Variants in KHDRBS2 observed in about 807,000 individuals in gnomAD.
KHDRBS2 encodes KH domain-containing, RNA-binding, signal transduction-associated protein 2.
In KHDRBS2, 26 loss-of-function variants were observed where a neutral mutation model predicts 44.3. The ratio of observed to expected loss-of-function variants is 0.59; its 90% CI spans 0.43 to 0.81. KHDRBS2 has a LOEUF of 0.81. Ranked by LOEUF, KHDRBS2 falls within the 40% of genes least tolerant of loss-of-function variation. The probability of loss-of-function intolerance (pLI) is 0.00; values close to 1 mark genes in which losing one functional copy is unlikely to be tolerated. For missense variants in KHDRBS2, 476 were observed against 433.1 expected, an observed-to-expected ratio of 1.10 and a Z score of -0.88; for synonymous variants, 194 against 151.1, an observed-to-expected ratio of 1.28 and a Z score of -2.08.
chr6:61,710,469 C>T (rs1165735058), intron 7 of KHDRBS2, among the ~76,000 whole-genome samples: 1 of 151,570 alleles, frequency 6.6e-6, no homozygotes, highest in African/African-American at 2.4e-5. Flanking sequence ...AGCACAAGTC[C>T]ATTTTCTATG....
chr6:61,662,491 T>A, the KHDRBS2 span, among the ~76,000 whole-genome samples: 1 of 151,954 alleles, frequency 6.6e-6, no homozygotes, highest in African/African-American at 2.4e-5. Flanking sequence ...ATTTTTGCAA[T>A]GTACTCATCT....
the KHDRBS2 span, among the ~76,000 whole-genome samples, chr6:61,671,347 A>C: frequency 6.6e-6 from 1 of 151,572 alleles, no homozygotes; most frequent in Non-Finnish European, 1.5e-5. Flanking sequence ...GCCAATTTTT[A>C]AGTTGGTTCA....
chr6:62,281,107 T>A lies in KHDRBS2; in HGVS notation c.91+4751A>T, dbSNP rs114430384. Among the ~76,000 whole-genome samples the A allele has an allele frequency of 2.9e-3, 437 of 152,270 alleles. 2 individuals are homozygous for A. The highest frequency in any genetic ancestry group is 0.01 in the African/African-American group (420 of 41,568). On this transcript the variant is annotated intron_variant, in intron 1 of 8. Transcript: ENST00000281156. ...GGACCAGGGCTAATCAAGCCCATGG[T>A]TAAAGACTGACAAGTGATCATTTAC...
chr6:61,785,967 A>G (rs1372669237), intron 6 of KHDRBS2, among the ~76,000 whole-genome samples: 1 of 151,984 alleles, frequency 6.6e-6, no homozygotes. Flanking sequence ...TCTGCTGACT[A>G]TATCCTTGGC....
intron 4 of KHDRBS2, among the ~76,000 whole-genome samples, chr6:61,954,398 T>C (rs541012358): frequency 1.0e-3 from 95 of 91,120 alleles, no homozygotes; most frequent in African/African-American, 2.9e-3. Context: ...CATATATACG[T>C]ATGTATGCAT....
chr6:62,134,610 T>C (rs565676892), intron 2 of KHDRBS2, among the ~76,000 whole-genome samples: 2 of 152,152 alleles, frequency 1.3e-5, no homozygotes, highest in Admixed American at 1.3e-4. Flanking sequence ...ACTGTGTACC[T>C]GGAAAAGCCA....
At chr6:62,118,310 T>C (rs892016930) in intron 2 of KHDRBS2, among the ~76,000 whole-genome samples, 3 of 152,214 alleles carry the variant, frequency 2.0e-5, no homozygotes, top group South Asian at 2.1e-4. Flanking sequence ...TTGCAGTATA[T>C]TTTGAAGCCA....
At chr6:61,634,219 A>T in the KHDRBS2 span, among the ~76,000 whole-genome samples, 2 of 151,782 alleles carry the variant, frequency 1.3e-5, no homozygotes, top group Admixed American at 1.3e-4. Flanking sequence ...GGTCAGACAG[A>T]TCAGATGTGG....
chr6:61,900,170 T>C lies in KHDRBS2; in HGVS notation c.611+1074A>G, dbSNP rs150695634. Among the ~76,000 whole-genome samples the C allele has an allele frequency of 9.1e-3, 1,382 of 152,190 alleles. 9 individuals are homozygous for C. The highest frequency in any genetic ancestry group is 0.017 in the Middle Eastern group (5 of 294). ...TTTACCTCTAGTAAATAATATTCCT[T>C]GATATTTTATTTGAGAATTTATCTT... On this transcript the variant is annotated intron_variant, in intron 5 of 8. Transcript: ENST00000281156.
chr6:61,981,607 T>C (rs2127405258), intron 3 of KHDRBS2, among the ~76,000 whole-genome samples: 1 of 152,342 alleles, frequency 6.6e-6, no homozygotes, highest in East Asian at 1.9e-4. Context: ...CCTGTGATCC[T>C]ATTTAATGCA....
the KHDRBS2 span, among the ~76,000 whole-genome samples, chr6:61,577,391 T>G: frequency 4.6e-5 from 7 of 152,252 alleles, no homozygotes; most frequent in Non-Finnish European, 1.0e-4. Context: ...TAGCAGCAAT[T>G]TTGTGAACAT....
At chr6:61,960,442 G>T (rs1768405010) in intron 4 of KHDRBS2, among the ~76,000 whole-genome samples, 1 of 151,986 alleles carries the variant, frequency 6.6e-6, no homozygotes, top group South Asian at 2.1e-4. Context: ...GGTGCAGGGG[G>T]AATTTTACAC....
chr6:61,924,283 C>A (rs1230529658), intron 4 of KHDRBS2, among the ~76,000 whole-genome samples: 1 of 151,898 alleles, frequency 6.6e-6, no homozygotes, highest in African/African-American at 2.4e-5. Context: ...GGCCTTCCTG[C>A]AACAGTAAGT....
intron 7 of KHDRBS2, among the ~76,000 whole-genome samples, chr6:61,731,417 C>A (rs765110648): frequency 1.3e-5 from 2 of 152,026 alleles, no homozygotes; most frequent in South Asian, 2.1e-4. Flanking sequence ...TAACTTAAAT[C>A]ATACTTAGTT....
chr6:62,133,922 G>A (rs1810923055), intron 2 of KHDRBS2, among the ~76,000 whole-genome samples: 1 of 152,158 alleles, frequency 6.6e-6, no homozygotes, highest in Admixed American at 6.5e-5. Context: ...GCATTCAAGA[G>A]GTGACTTGGG....
chr6:61,895,487 T>G (rs1802781091), intron 5 of KHDRBS2, among the ~76,000 whole-genome samples: 1 of 152,218 alleles, frequency 6.6e-6, no homozygotes, highest in East Asian at 1.9e-4. Flanking sequence ...CCTGACAGAA[T>G]ATATTTTCTT....
the KHDRBS2 span, among the ~76,000 whole-genome samples, chr6:61,561,847 T>A: frequency 3.9e-5 from 6 of 152,130 alleles, no homozygotes; most frequent in African/African-American, 1.4e-4. Context: ...GGTCTTCATT[T>A]TATGCAAATC....
chr6:61,591,580 C>T, the KHDRBS2 span, among the ~76,000 whole-genome samples: 1 of 152,106 alleles, frequency 6.6e-6, no homozygotes, highest in Non-Finnish European at 1.5e-5. Context: ...GTAACTCCCT[C>T]TTTTCCCTTA....
At chr6:61,882,016 T>G (rs1027399636) in intron 6 of KHDRBS2, among the ~76,000 whole-genome samples, 1 of 152,076 alleles carries the variant, frequency 6.6e-6, no homozygotes, top group African/African-American at 2.4e-5. Context: ...TATTTTCAAA[T>G]AGTTTACAAC....
Sources: gnomAD v4.1 joint callset for allele counts (sites outside exome capture counted in the v4.1 genomes callset) on GRCh38, gnomAD v4.1.1 for gene constraint, MANE v1.5 for transcripts, NCBI Gene and HGNC (gene_info 2026-07-23, HGNC 2026-07-21) for gene names.